Variants in TNS1 observed in about 807,000 individuals in gnomAD.
The protein encoded by TNS1 is tensin-1.
TNS1 carries 62 observed loss-of-function variants against 168.6 expected under a neutral mutation model. That is an observed-to-expected ratio of 0.37 (90% CI 0.30 to 0.45). The LOEUF (loss-of-function observed/expected upper bound fraction) is 0.45, where lower values mean the gene tolerates loss of function less well. Among genes scored for constraint, TNS1 ranks in the 20% least tolerant of loss-of-function variants. The pLI is 1.00. For synonymous variants in TNS1, 934 were observed against 933.2 expected (o/e 1.00, Z -0.02); for missense variants, 2,240 against 2,339.4 (o/e 0.96, Z 0.88).
chr2:217,850,347 A>G, intron 18 of TNS1: 1 of 985,240 alleles, frequency 1.0e-6, no homozygotes. Context: ...GCAGGAGGGG[A>G]AGCGTCTTAG....
At chr2:218,014,186 C>T (rs774818324), upstream of TNS1, among the ~76,000 whole-genome samples, 9 of 152,182 alleles carry the variant, frequency 5.9e-5, no homozygotes, top group Admixed American at 1.3e-4. Context: ...GGCATCTGAT[C>T]GGAGACTCCA....
chr2:217,857,961 G>A (rs1948351654), intron 18 of TNS1, among the ~76,000 whole-genome samples: 1 of 152,224 alleles, frequency 6.6e-6, no homozygotes, highest in Admixed American at 6.5e-5. Flanking sequence ...CCTGGCTAGA[G>A]GAGAGTCAAG....
chr2:217,928,640 G>GAC (rs1343810489), intron 3 of TNS1, among the ~76,000 whole-genome samples: 14 of 152,122 alleles, frequency 9.2e-5, no homozygotes, highest in African/African-American at 3.4e-4. Context: ...AAGCAGACAG[G>GAC]ACACAGGGGA....
intron 17 of TNS1, chr2:217,881,290 G>T: frequency 2.6e-6 from 1 of 380,628 alleles, no homozygotes; most frequent in Non-Finnish European, 4.7e-6. Context: ...AAGAAAGCGG[G>T]GAGGACCCCT....
chr2:217,984,337 G>A (rs893449247), intron 2 of TNS1, among the ~76,000 whole-genome samples: 3 of 152,140 alleles, frequency 2.0e-5, no homozygotes, highest in Non-Finnish European at 2.9e-5. Context: ...TGTCCAACCT[G>A]CAGGCTGCAG....
At chr2:217,881,048 G>C (rs752710408) in intron 17 of TNS1, 34 bp from the exon 18 acceptor site, 1 of 1,471,536 alleles carries the variant, frequency 6.8e-7, no homozygotes, top group Non-Finnish European at 9.5e-7. Flanking sequence ...GGCAGTCGGG[G>C]AGACAGTGCA....
At chr2:217,872,409 C>T (rs1574898507) in intron 18 of TNS1, among the ~76,000 whole-genome samples, 1 of 152,170 alleles carries the variant, frequency 6.6e-6, no homozygotes, top group Non-Finnish European at 1.5e-5. Flanking sequence ...TGTGGATGGG[C>T]AGTTTTCTAA....
chr2:217,866,730 G>A (rs1949310352), intron 18 of TNS1, among the ~76,000 whole-genome samples: 1 of 152,178 alleles, frequency 6.6e-6, no homozygotes, highest in Admixed American at 6.5e-5. Flanking sequence ...GAGGGGACAG[G>A]GAGAAGGCTG....
chr2:218,010,429 G>C, upstream of TNS1: 1 of 379,500 alleles, frequency 2.6e-6, no homozygotes, highest in East Asian at 3.7e-5. Flanking sequence ...CTCCATCTCC[G>C]GGGAACCCCC....
chr2:217,866,184 G>T (rs1949254627), intron 18 of TNS1, among the ~76,000 whole-genome samples: 1 of 152,210 alleles, frequency 6.6e-6, no homozygotes, highest in Non-Finnish European at 1.5e-5. Context: ...TAAAGAAAAT[G>T]CTGCCTGGCT....
In TNS1 at chr2:217,856,424, C is replaced by T. The variant is rs56406310; in HGVS notation, c.1430-7337G>A. 1.3e-3 allele frequency among the ~76,000 whole-genome samples: 197 copies of T among 152,332 alleles called. 1 individual carries two copies. The Middle Eastern group carries it at 0.02, about 16-fold the overall frequency. On this transcript the variant is annotated intron_variant, in intron 18 of 32. Coordinates refer to ENST00000682258, the MANE Select transcript of TNS1 (RefSeq NM_001387777.1). The stretch of plus-strand genomic sequence containing the variant: ...CAGTCTTGGCCTCCACCCATGCCAG[C>T]TTCCCTTCCCACAGACAGCTGGGGA...
At chr2:217,850,197 C>T (rs985356551) in intron 18 of TNS1, 2 of 985,262 alleles carry the variant, frequency 2.0e-6, no homozygotes, top group Non-Finnish European at 2.4e-6. Context: ...CTGCTCTGAG[C>T]CAGCCCGGGG....
chr2:217,839,104 G>A (rs2571448), intron 19 of TNS1, among the ~76,000 whole-genome samples: 2,107 of 151,876 alleles, frequency 0.014, 41 homozygotes, highest in African/African-American at 0.048. Context: ...AGAAATGGCA[G>A]CAGGACACTG....
At chr2:217,878,916 T>A (rs1423693529) in intron 18 of TNS1, among the ~76,000 whole-genome samples, 1 of 152,222 alleles carries the variant, frequency 6.6e-6, no homozygotes, top group Non-Finnish European at 1.5e-5. Flanking sequence ...TTCTGCCCCC[T>A]CGCCCTTCCT....
At chr2:217,933,749 C>G (rs1271108479) in intron 3 of TNS1, among the ~76,000 whole-genome samples, 5 of 152,146 alleles carry the variant, frequency 3.3e-5, no homozygotes, top group Admixed American at 2.6e-4. Flanking sequence ...CCCATCTGAG[C>G]CCCACCCATC....
intron 1 of TNS1, among the ~76,000 whole-genome samples, chr2:218,024,437 C>G (rs1958835341): frequency 6.6e-6 from 1 of 152,082 alleles, no homozygotes; most frequent in African/African-American, 2.4e-5. Flanking sequence ...AAGAGGCTGT[C>G]TGGGTGCCTC....
At chr2:217,999,457 C>T (rs1432494707) in intron 1 of TNS1, among the ~76,000 whole-genome samples, 1 of 152,196 alleles carries the variant, frequency 6.6e-6, no homozygotes, top group Non-Finnish European at 1.5e-5. Flanking sequence ...GGGATCCAGC[C>T]CAGGCATTGC....
chr2:217,813,639 G>C lies in TNS1; in HGVS notation c.4861+46C>G. On this transcript the variant is annotated intron_variant, in intron 26 of 32. Coordinates refer to ENST00000682258, the MANE Select transcript of TNS1 (RefSeq NM_001387777.1). This position sits in a 1 kb window ranked among gnomAD's most constrained non-coding sequence, Gnocchi z 4.0. The stretch of plus-strand genomic sequence containing the variant: ...TCCAGCACCTCCAGGTTTAGCGACT[G>C]TAAAGCTCACCTGGTCCTGAGCCCC... 1.9e-6 allele frequency: 3 copies of C among 1,565,456 alleles called. No individual in the cohort carries two copies. The highest frequency in any genetic ancestry group is 8.7e-7 in the Non-Finnish European group (1 of 1,155,192).
chr2:217,853,741 T>C (rs1947801693), intron 18 of TNS1, among the ~76,000 whole-genome samples: 1 of 152,200 alleles, frequency 6.6e-6, no homozygotes, highest in South Asian at 2.1e-4. Flanking sequence ...GGGGCCTTTA[T>C]TCCAGGGCAG....
Sources: gnomAD v4.1 joint callset for allele counts (sites outside exome capture counted in the v4.1 genomes callset) on GRCh38, gnomAD v4.1.1 for gene constraint, Gnocchi (gnomAD v3.1) non-coding constraint, MANE v1.5 for transcripts, NCBI Gene and HGNC (gene_info 2026-07-23, HGNC 2026-07-21) for gene names.